CUX1: variants seen among roughly 807,000 people sequenced by gnomAD.
CUX1 encodes cut like homeobox 1, also known as protein CASP.
In CUX1, 31 loss-of-function variants were observed where a neutral mutation model predicts 158.8. The ratio of observed to expected loss-of-function variants is 0.20; its 90% CI spans 0.15 to 0.26. CUX1 has a LOEUF of 0.26. Among genes scored for constraint, CUX1 ranks in the 10% least tolerant of loss-of-function variants. The probability of loss-of-function intolerance (pLI) is 1.00; values close to 1 mark genes in which losing one functional copy is unlikely to be tolerated. For missense variants in CUX1, 1,589 were observed against 2,014.6 expected (o/e 0.79, Z 4.04); for synonymous variants, 879 against 862.1 (o/e 1.02, Z -0.34).
At chr7:102,217,613 A>G (rs1040726931) in intron 20 of CUX1, among the ~76,000 whole-genome samples, 3 of 152,140 alleles carry the variant, frequency 2.0e-5, no homozygotes, top group East Asian at 1.9e-4. Context: ...CTCTGGATGG[A>G]TGCGATGGTG....
rs1431042812 is a variant in CUX1 at position 102,256,859 on chromosome 7, G to C, written c.*7817G>C. On this transcript the variant is annotated 3_prime_UTR_variant, in exon 24 of 24. Transcript: ENST00000292535. The stretch of plus-strand genomic sequence containing the variant: ...GGCCCGCATGGGTTGATACGTTTTG[G>C]TTGGTTTTTTGTTGTTGTTTTTCTT... 1.0e-6 allele frequency: 1 copy of C among 985,484 alleles called. No homozygotes were observed. The highest frequency in any genetic ancestry group is 4.7e-5 in the South Asian group (1 of 21,292). 61.0% of individuals were successfully genotyped at this position (985,484 alleles called of 1,614,324 possible).
chr7:101,990,753 C>T (rs1404408207), intron 2 of CUX1, among the ~76,000 whole-genome samples: 1 of 152,178 alleles, frequency 6.6e-6, no homozygotes, highest in African/African-American at 2.4e-5. Context: ...CCAAAACATA[C>T]AGTGGCTGCT....
intron 2 of CUX1, 129 bp from the exon 3 acceptor site, chr7:102,027,969 G>A: frequency 1.2e-6 from 1 of 835,324 alleles, no homozygotes; most frequent in South Asian, 1.7e-5. Flanking sequence ...AATGGGTGAG[G>A]TCCCAGGCTT....
intron 4 of CUX1, among the ~76,000 whole-genome samples, chr7:102,082,879 G>T (rs62465612): frequency 6.8e-6 from 1 of 147,528 alleles, no homozygotes; most frequent in Non-Finnish European, 1.5e-5. Context: ...TTGGTTGGTT[G>T]TGGGTATTAT....
At position 102,201,750 on chromosome 7, in the gene CUX1, G is replaced by A; in HGVS notation, c.2453G>A (p.Gly818Asp). The change falls in exon 18 of 24, where the codon GGT becomes GAT. Residue 818 changes from glycine to aspartate, a missense_variant. By Grantham distance (94) the Gly-to-Asp change is moderately conservative. Coordinates refer to ENST00000292535, the MANE Select transcript of CUX1 (RefSeq NM_181552.4). The surrounding 1 kb of genome is among the most constrained non-coding windows in gnomAD (Gnocchi z 5.0). ...RQVKNEVGRS[G>D]AWKDHWWSAV... is the part of the protein sequence containing the mutation. ...GTGAAAAATGAGGTGGGCCGCAGCGGTGCCTGGAAGGACCACTGGTGGAGC... is the reference window on the plus strand; with the variant it reads ...GTGAAAAATGAGGTGGGCCGCAGCGATGCCTGGAAGGACCACTGGTGGAGC... 3 of 1,612,672 alleles carry A rather than the reference G, an allele frequency of 1.9e-6. No individual in the cohort carries two copies. The highest frequency in any genetic ancestry group is 1.7e-6 in the Non-Finnish European group (2 of 1,179,938).
At chr7:102,143,893 C>T (rs1554501133) in intron 8 of CUX1, among the ~76,000 whole-genome samples, 1 of 152,190 alleles carries the variant, frequency 6.6e-6, no homozygotes, top group Non-Finnish European at 1.5e-5. Flanking sequence ...AGCCATCCTC[C>T]TGTCTCAGCC....
intron 2 of CUX1, among the ~76,000 whole-genome samples, chr7:101,993,968 G>A (rs1447040211): frequency 2.6e-5 from 4 of 152,120 alleles, no homozygotes; most frequent in Non-Finnish European, 4.4e-5. Context: ...CATCTGCCTG[G>A]CTGCCATTCA....
intron 1 of CUX1, among the ~76,000 whole-genome samples, chr7:101,837,019 T>C (rs1348070916): frequency 6.6e-6 from 1 of 152,206 alleles, no homozygotes; most frequent in Non-Finnish European, 1.5e-5. Flanking sequence ...TAGTTGGCCA[T>C]TGTGTTATTT....
intron 1 of CUX1, among the ~76,000 whole-genome samples, chr7:101,821,542 G>T (rs1395653230): frequency 4.0e-5 from 6 of 151,042 alleles, no homozygotes; most frequent in African/African-American, 1.2e-4. Context: ...GTTTCACCGT[G>T]TTAGCCCGGA....
At chr7:101,882,022 T>A (rs113695388) in intron 1 of CUX1, among the ~76,000 whole-genome samples, 3,330 of 98,062 alleles carry the variant, frequency 0.034, 121 homozygotes, top group East Asian at 0.29. Flanking sequence ...TACCCAAAAA[T>A]AAAAAAAAAA....
At chr7:102,098,059 C>G (rs960473978) in intron 5 of CUX1, among the ~76,000 whole-genome samples, 1 of 152,210 alleles carries the variant, frequency 6.6e-6, no homozygotes, top group Non-Finnish European at 1.5e-5. Flanking sequence ...TGGCTTTTCC[C>G]GTCAGGGAAG....
At chr7:102,243,941 C>T (rs1736397362) in intron 23 of CUX1, among the ~76,000 whole-genome samples, 1 of 152,056 alleles carries the variant, frequency 6.6e-6, no homozygotes, top group African/African-American at 2.4e-5. Context: ...GCAGGAGAAT[C>T]TCTTGAACTC....
chr7:101,906,448 G>A (rs1802766960), intron 1 of CUX1, among the ~76,000 whole-genome samples: 1 of 151,908 alleles, frequency 6.6e-6, no homozygotes, highest in African/African-American at 2.4e-5. Context: ...GAGGGGAAAG[G>A]AGGGGACCCT....
intron 2 of CUX1, among the ~76,000 whole-genome samples, chr7:101,969,517 C>T (rs532032564): frequency 2.0e-5 from 3 of 152,208 alleles, no homozygotes; most frequent in Non-Finnish European, 4.4e-5. Flanking sequence ...AGCCAGGATC[C>T]TCATGAAAGA....
At chr7:102,179,427 C>T (rs373966190) in intron 11 of CUX1, among the ~76,000 whole-genome samples, 26 of 152,280 alleles carry the variant, frequency 1.7e-4, no homozygotes, top group East Asian at 5.8e-4. Flanking sequence ...AACTCCAGCA[C>T]TTCCGGTGCA....
At chr7:102,227,738 G>A (rs540932952) in intron 21 of CUX1, 69 bp downstream of exon 21, 13 of 1,521,280 alleles carry the variant, frequency 8.5e-6, no homozygotes, top group Middle Eastern at 2.4e-4. Flanking sequence ...GGTGAAGGGC[G>A]GGCCCTAGGC....
intron 1 of CUX1, among the ~76,000 whole-genome samples, chr7:101,893,570 T>C (rs1159042010): frequency 6.6e-6 from 1 of 152,120 alleles, no homozygotes; most frequent in Non-Finnish European, 1.5e-5. Context: ...AGCATCCCTT[T>C]TGGGCCAAGT....
rs782188322 is a variant in CUX1 at position 102,205,169 on chromosome 7, A to G, written c.3129A>G (p.Ser1043=). 1.9e-6 allele frequency: 3 copies of G among 1,607,782 alleles called. No homozygotes were observed. The highest frequency in any genetic ancestry group is 1.1e-5 in the South Asian group (1 of 90,932). ...QDPLQQGCVS[S]ESTPKTSASC... ...CGCTGCAGCAGGGCTGTGTGAGCTC[A>G]GGTAAGCAGCCAGTTTCTGTTGCTT... is the stretch of plus-strand genomic sequence containing the variant. Residue 1043 remains serine, a splice_region_variant and synonymous_variant, in exon 20 of 24, where the codon TCA becomes TCG. Coordinates refer to ENST00000292535, the MANE Select transcript of CUX1 (RefSeq NM_181552.4).
intron 1 of CUX1, among the ~76,000 whole-genome samples, chr7:101,872,535 AT>A (rs10715559): frequency 0.27 from 38,559 of 144,934 alleles, 5,503 homozygotes; most frequent in East Asian, 0.56. Flanking sequence ...GGCTTCTATG[AT>A]TTTTTTTTTT....
Sources: allele counts gnomAD v4.1 joint callset (sites outside exome capture counted in the v4.1 genomes callset), GRCh38; gene constraint gnomAD v4.1.1; non-coding constraint Gnocchi (gnomAD v3.1); transcripts MANE v1.5; gene names NCBI Gene and HGNC (gene_info 2026-07-23, HGNC 2026-07-21).